FTO: variants seen among roughly 807,000 people sequenced by gnomAD.
FTO encodes the protein FTO alpha-ketoglutarate dependent dioxygenase.
A neutral mutation model predicts 63.9 loss-of-function variants in FTO; 47 were observed. The observed-to-expected ratio is 0.74, with a 90% CI of 0.58 to 0.94. The LOEUF is 0.94. FTO is among the 40% of genes least tolerant of loss of function. The pLI, the probability that FTO is intolerant of heterozygous loss-of-function variation, is 0.00. For synonymous variants in FTO, 207 were observed against 224.4 expected (o/e 0.92, Z 0.69); for missense variants, 562 against 618.1 (o/e 0.91, Z 0.96).
At chr16:54,044,730 T>C (rs2085143409) in intron 8 of FTO, among the ~76,000 whole-genome samples, 1 of 70,568 alleles carries the variant, frequency 1.4e-5, no homozygotes, top group African/African-American at 1.4e-4. Flanking sequence ...TCAGCAAACG[T>C]AAAAGAACAG....
chr16:53,988,273 CT>C (rs1361580611), intron 8 of FTO, among the ~76,000 whole-genome samples: 3 of 152,082 alleles, frequency 2.0e-5, no homozygotes, highest in African/African-American at 7.2e-5. Context: ...AAACTTTTAG[CT>C]TTCTACTACT....
At chr16:54,025,374 A>T (rs1281621907) in intron 8 of FTO, among the ~76,000 whole-genome samples, 4 of 152,198 alleles carry the variant, frequency 2.6e-5, no homozygotes, top group Non-Finnish European at 5.9e-5. Flanking sequence ...GACACCTTGA[A>T]GTATTTGGGT....
chr16:53,905,280 G>A (rs1383030648), intron 7 of FTO, among the ~76,000 whole-genome samples: 1 of 152,106 alleles, frequency 6.6e-6, no homozygotes, highest in Non-Finnish European at 1.5e-5. Context: ...ATCAAACTGG[G>A]GTTTGGGCCC....
chr16:53,758,184 A>G (rs1003642969), intron 1 of FTO, among the ~76,000 whole-genome samples: 2 of 152,180 alleles, frequency 1.3e-5, no homozygotes, highest in Non-Finnish European at 2.9e-5. Flanking sequence ...GTGAAGTAAG[A>G]AGTACATATG....
At chr16:54,023,757 G>A (rs2144167234) in intron 8 of FTO, among the ~76,000 whole-genome samples, 1 of 152,108 alleles carries the variant, frequency 6.6e-6, no homozygotes, top group East Asian at 1.9e-4. Flanking sequence ...CCCCCTTTTT[G>A]ATTTGAAAAT....
In FTO at chr16:53,826,294, A is replaced by G. The variant is rs1312261216; in HGVS notation, c.554A>G (p.Tyr185Cys). The G allele has an allele frequency of 6.2e-7, 1 of 1,614,170 alleles. No individual in the cohort carries two copies. Among genetic ancestry groups the G allele is most frequent in the East Asian group, 2.2e-5 (1 of 44,878 alleles). The change falls in exon 3 of 9, where the codon TAC (tyrosine) becomes TGC (cysteine). Residue 185 changes from tyrosine (Y) to cysteine (C), a missense_variant. Physicochemically the swap from Tyr to Cys is radical, Grantham distance 194. Coordinates refer to ENST00000471389, the MANE Select transcript of FTO (RefSeq NM_001080432.3). ...CCCAGGGTTGGGATGGGTTCATCCT[A>G]CAACGGACAAGATGAAGTGGACATT... Reference protein sequence around the residue: ...DFPRVGMGSSYNGQDEVDIKS... With the variant: ...DFPRVGMGSSCNGQDEVDIKS...
At chr16:53,722,192 C>T (rs1598489646) in intron 1 of FTO, among the ~76,000 whole-genome samples, 1 of 152,114 alleles carries the variant, frequency 6.6e-6, no homozygotes, top group Non-Finnish European at 1.5e-5. Flanking sequence ...GTGTATGGTA[C>T]ATTTACTGGT....
intron 8 of FTO, chr16:53,937,169 G>A (rs1287131883): frequency 5.0e-6 from 2 of 398,456 alleles, no homozygotes; most frequent in African/African-American, 4.1e-5. Context: ...AGTGCTGTGG[G>A]TTTCCTTCTC....
chr16:53,865,304 G>T (rs116492014), intron 4 of FTO, among the ~76,000 whole-genome samples: 1 of 152,066 alleles, frequency 6.6e-6, no homozygotes, highest in Non-Finnish European at 1.5e-5. Flanking sequence ...AACTGCTCAG[G>T]AATGTCCTCA....
intron 8 of FTO, among the ~76,000 whole-genome samples, chr16:54,090,494 A>G (rs768797816): frequency 1.8e-4 from 27 of 152,214 alleles, no homozygotes; most frequent in Non-Finnish European, 2.9e-4. Context: ...TAAATGTGAT[A>G]ATTCCACTGA....
chr16:53,889,601 C>T (rs1373841404), intron 7 of FTO, among the ~76,000 whole-genome samples: 4 of 152,210 alleles, frequency 2.6e-5, no homozygotes, highest in African/African-American at 7.2e-5. Context: ...CCACTTGAGC[C>T]GGCTGGGATG....
chr16:53,826,398 T>C lies in FTO; in HGVS notation c.658T>C (p.Tyr220His). The C allele has an allele frequency of 6.2e-7, 1 of 1,614,204 alleles. No homozygotes were observed. The highest frequency in any genetic ancestry group is 8.5e-7 in the Non-Finnish European group (1 of 1,180,022). ...AATGCCATACCTGAAAGAGGAACCT[T>C]ATTTTGGCATGGGGAAAATGGCAGT... The part of the protein sequence containing the change: ...QKMPYLKEEP[Y>H]FGMGKMAVSW... Residue 220 changes from tyrosine (Y) to histidine (H), a missense_variant, in exon 3 of 9, where the codon TAT (tyrosine) becomes CAT (histidine). Tyr to His is a moderately conservative substitution (Grantham distance 83, BLOSUM62 2). Transcript: ENST00000471389.
intron 7 of FTO, among the ~76,000 whole-genome samples, chr16:53,925,111 G>C (rs2082109151): frequency 6.6e-6 from 1 of 150,706 alleles, no homozygotes; most frequent in African/African-American, 2.4e-5. Context: ...AAGTGTTCCT[G>C]GACTTTTGAA....
In FTO at chr16:54,030,531, T is replaced by C. The variant is rs147176600; in HGVS notation, c.1365-81231T>C. On this transcript the variant is annotated intron_variant, in intron 8 of 8. Transcript: ENST00000471389. ...TCTCTTTCAGTTGGATAATTTTCAGTTGGATATCTAGCAAAACTTAGTCCT... is the reference window on the plus strand; with the variant it reads ...TCTCTTTCAGTTGGATAATTTTCAGCTGGATATCTAGCAAAACTTAGTCCT... Among the ~76,000 whole-genome samples, 483 of 152,292 alleles carry C rather than the reference T, an allele frequency of 3.2e-3. 3 individuals are homozygous for C. Among genetic ancestry groups the C allele is most frequent in the African/African-American group, 0.011 (465 of 41,580 alleles).
intron 7 of FTO, among the ~76,000 whole-genome samples, chr16:53,921,240 C>A (rs2081999405): frequency 6.6e-6 from 1 of 152,194 alleles, no homozygotes; most frequent in South Asian, 2.1e-4. Context: ...CAAAGGCCAT[C>A]CCTCCCTTCC....
chr16:53,756,672 G>C (rs953876743), intron 1 of FTO, among the ~76,000 whole-genome samples: 1 of 152,168 alleles, frequency 6.6e-6, no homozygotes, highest in African/African-American at 2.4e-5. Context: ...CAGCTGTTTG[G>C]TTCACTGTTC....
intron 8 of FTO, among the ~76,000 whole-genome samples, chr16:54,079,914 T>C (rs370134509): frequency 6.6e-6 from 1 of 152,300 alleles, no homozygotes; most frequent in East Asian, 1.9e-4. Context: ...TTTTTAAATA[T>C]TGCAAGAGTC....
intron 8 of FTO, among the ~76,000 whole-genome samples, chr16:53,984,403 G>A (rs1301581576): frequency 7.8e-6 from 1 of 127,500 alleles, no homozygotes; most frequent in East Asian, 2.7e-4. Context: ...GCTCACTGCA[G>A]ACTCGACCTC....
intron 1 of FTO, among the ~76,000 whole-genome samples, chr16:53,790,470 A>C (rs151328264): frequency 0.054 from 8,166 of 150,878 alleles, 712 homozygotes; most frequent in African/African-American, 0.19. Context: ...TAATCCCAGC[A>C]CTTTGGGAGC....
Sources: gnomAD v4.1 joint callset for allele counts (sites outside exome capture counted in the v4.1 genomes callset) on GRCh38, gnomAD v4.1.1 for gene constraint, MANE v1.5 for transcripts, NCBI Gene and HGNC (gene_info 2026-07-23, HGNC 2026-07-21) for gene names.